Variants in GRM5 observed in about 807,000 individuals in gnomAD.
GRM5 encodes the protein metabotropic glutamate receptor 5.
GRM5 carries 19 observed loss-of-function variants against 83.1 expected under a neutral mutation model. The ratio of observed to expected loss-of-function variants is 0.23; its 90% CI spans 0.16 to 0.34. The LOEUF is 0.34. GRM5 is among the 10% of genes least tolerant of loss of function. The pLI, the probability that GRM5 is intolerant of heterozygous loss-of-function variation, is 1.00. For synonymous variants in GRM5, 675 were observed against 633.6 expected, an observed-to-expected ratio of 1.07 and a Z score of -0.98; for missense variants, 1,160 against 1,588.3, an observed-to-expected ratio of 0.73 and a Z score of 4.58.
chr11:88,827,089 A>C (rs1037266526), intron 3 of GRM5, among the ~76,000 whole-genome samples: 3 of 152,166 alleles, frequency 2.0e-5, no homozygotes, highest in African/African-American at 7.2e-5. Context: ...AATTTGTACA[A>C]ATGACAAATG....
intron 3 of GRM5, among the ~76,000 whole-genome samples, chr11:88,804,012 C>G (rs1383764428): frequency 2.0e-5 from 3 of 150,966 alleles, no homozygotes; most frequent in Admixed American, 2.0e-4. Flanking sequence ...GTTAGAATGG[C>G]AATCATTAAA....
At chr11:88,848,276 T>C (rs1944331603) in intron 3 of GRM5, among the ~76,000 whole-genome samples, 3 of 152,240 alleles carry the variant, frequency 2.0e-5, no homozygotes, top group Non-Finnish European at 2.9e-5. Flanking sequence ...ATATCATTTT[T>C]ATTGAAGGAT....
At chr11:88,719,147 T>TAG (rs887859622) in intron 3 of GRM5, among the ~76,000 whole-genome samples, 2 of 151,880 alleles carry the variant, frequency 1.3e-5, no homozygotes, top group African/African-American at 4.8e-5. Flanking sequence ...ATTTGTTGTA[T>TAG]AGATTATTTC....
At chr11:88,795,002 A>G (rs936517599) in intron 3 of GRM5, among the ~76,000 whole-genome samples, 1 of 152,220 alleles carries the variant, frequency 6.6e-6, no homozygotes, top group Non-Finnish European at 1.5e-5. Context: ...TGTGCCTCCA[A>G]TGAAAGACCA....
intron 2 of GRM5, among the ~76,000 whole-genome samples, chr11:88,996,406 A>G (rs139301433): frequency 6.6e-4 from 101 of 152,342 alleles, no homozygotes; most frequent in Middle Eastern, 3.4e-3. Context: ...TATGGCTGCA[A>G]CTAATTACTT....
chr11:88,947,506 T>A (rs1938318396), intron 2 of GRM5, among the ~76,000 whole-genome samples: 1 of 152,060 alleles, frequency 6.6e-6, no homozygotes, highest in African/African-American at 2.4e-5. Context: ...AAACGTGTTC[T>A]TTTTACCATT....
intron 2 of GRM5, among the ~76,000 whole-genome samples, chr11:89,029,574 T>C (rs190696832): frequency 7.2e-5 from 11 of 152,294 alleles, no homozygotes; most frequent in African/African-American, 2.4e-4. Context: ...ACATTAACAT[T>C]ACACATGTTA....
intron 2 of GRM5, among the ~76,000 whole-genome samples, chr11:89,030,146 A>AT (rs1238781087): frequency 6.6e-6 from 1 of 152,198 alleles, no homozygotes; most frequent in African/African-American, 2.4e-5. Flanking sequence ...TATGAAACGT[A>AT]TTTTTTTGAT....
rs1321476773 is a variant in GRM5 at position 88,981,559 on chromosome 11, T to C, written c.661+65653A>G. 3.9e-5 allele frequency among the ~76,000 whole-genome samples: 6 copies of C among 152,182 alleles called. 1 individual carries two copies. Reference sequence around the variant, plus strand: ...ACTATGAGTCAAGGAGAGACAGTCATTCGTTCTGGCTGATTTAGACATTTA... The same window carrying C: ...ACTATGAGTCAAGGAGAGACAGTCACTCGTTCTGGCTGATTTAGACATTTA... On this transcript the variant is annotated intron_variant, in intron 2 of 9. Coordinates refer to ENST00000305447, the MANE Select transcript of GRM5 (RefSeq NM_001143831.3).
chr11:88,531,124 T>C (rs1342694667), intron 8 of GRM5, among the ~76,000 whole-genome samples: 1 of 152,118 alleles, frequency 6.6e-6, no homozygotes, highest in East Asian at 1.9e-4. Flanking sequence ...TTTCACATTT[T>C]TGTATGTAAG....
At chr11:88,734,056 A>G (rs1453265152) in intron 3 of GRM5, among the ~76,000 whole-genome samples, 1 of 152,002 alleles carries the variant, frequency 6.6e-6, no homozygotes, top group East Asian at 1.9e-4. Flanking sequence ...ACTATTGATG[A>G]ATATTTTTAT....
intron 2 of GRM5, among the ~76,000 whole-genome samples, chr11:88,951,013 G>T (rs1404531721): frequency 2.0e-5 from 3 of 152,136 alleles, no homozygotes; most frequent in African/African-American, 7.2e-5. Flanking sequence ...AATTTATTTA[G>T]CAGAGAAAAA....
chr11:88,741,302 G>T (rs1291134933), intron 3 of GRM5, among the ~76,000 whole-genome samples: 2 of 152,016 alleles, frequency 1.3e-5, no homozygotes, highest in African/African-American at 4.8e-5. Context: ...TAGGGAGAAT[G>T]AAATATTGCA....
chr11:88,525,987 C>T (rs1442874771), intron 8 of GRM5, among the ~76,000 whole-genome samples: 1 of 152,170 alleles, frequency 6.6e-6, no homozygotes, highest in African/African-American at 2.4e-5. Flanking sequence ...TGTTGCCTTC[C>T]ATTATCAAGT....
chr11:88,597,900 G>C (rs553084303), intron 5 of GRM5, among the ~76,000 whole-genome samples: 23 of 152,066 alleles, frequency 1.5e-4, no homozygotes, highest in Admixed American at 2.6e-4. Flanking sequence ...AGCTTCTAAA[G>C]CACCTCATGC....
intron 3 of GRM5, among the ~76,000 whole-genome samples, chr11:88,789,746 C>A (rs10831436): frequency 6.6e-6 from 1 of 152,168 alleles, no homozygotes; most frequent in Non-Finnish European, 1.5e-5. Flanking sequence ...AATGACCTTT[C>A]CTTCCACTTA....
At chr11:88,634,155 C>A (rs148973819) in intron 4 of GRM5, among the ~76,000 whole-genome samples, 1 of 152,126 alleles carries the variant, frequency 6.6e-6, no homozygotes, top group Admixed American at 6.6e-5. Flanking sequence ...ATAGAGCTTG[C>A]AGGACTGGAA....
chr11:88,575,406 A>C (rs10400236), intron 7 of GRM5, among the ~76,000 whole-genome samples: 10,400 of 148,810 alleles, frequency 0.07, 360 homozygotes, highest in Middle Eastern at 0.1. Flanking sequence ...GTTATCTACT[A>C]ACTTATTTAT....
intron 2 of GRM5, among the ~76,000 whole-genome samples, chr11:88,991,480 A>G (rs1240373929): frequency 6.6e-6 from 1 of 151,964 alleles, no homozygotes. Flanking sequence ...TCAAGCTACC[A>G]ATGCCTTTCT....
Sources: allele counts gnomAD v4.1 joint callset (sites outside exome capture counted in the v4.1 genomes callset), GRCh38; gene constraint gnomAD v4.1.1; transcripts MANE v1.5; gene names NCBI Gene and HGNC (gene_info 2026-07-23, HGNC 2026-07-21).